Variants in WDR91 observed in about 807,000 individuals in gnomAD.
WDR91 encodes the protein WD repeat-containing protein 91.
WDR91 carries 52 observed loss-of-function variants against 88.4 expected under a neutral mutation model. The ratio of observed to expected loss-of-function variants is 0.59; its 90% CI spans 0.47 to 0.74. The LOEUF (loss-of-function observed/expected upper bound fraction) is 0.74. Among genes scored for constraint, WDR91 ranks in the 30% least tolerant of loss-of-function variants. The pLI is 0.00. For synonymous variants in WDR91, 362 were observed against 389.5 expected (o/e 0.93, Z 0.83); for missense variants, 824 against 954.5 (o/e 0.86, Z 1.80).
At position 135,186,082 on chromosome 7, in the gene WDR91, T is replaced by A; in HGVS notation, c.*69A>T. 6.7e-7 allele frequency: 1 copy of A among 1,492,340 alleles called. No individual in the cohort carries two copies. The highest frequency in any genetic ancestry group is 8.9e-7 in the Non-Finnish European group (1 of 1,122,700). The allele number at this position is 1,492,340 out of a possible 1,614,324, so 92.4% of individuals were successfully genotyped here. On this transcript the variant is annotated 3_prime_UTR_variant, in exon 15 of 15. Coordinates refer to ENST00000354475, the MANE Select transcript of WDR91 (RefSeq NM_014149.4). Reference sequence around the variant, plus strand: ...GGAGCTGGAGTGGAGCACGTGGTTTTCCTGTCCTATATCTCCTCCCCCCAC... The same window carrying A: ...GGAGCTGGAGTGGAGCACGTGGTTTACCTGTCCTATATCTCCTCCCCCCAC...
At chr7:135,204,210 C>A in intron 6 of WDR91, 58 bp downstream of exon 6, 2 of 1,589,600 alleles carry the variant, frequency 1.3e-6, no homozygotes, top group South Asian at 1.1e-5. Context: ...GGTCTGGAAG[C>A]ACAGGGAGCT....
At position 135,205,959 on chromosome 7, in the gene WDR91, A is replaced by G; in HGVS notation, c.694T>C (p.Ser232Pro). 1 of 1,613,972 alleles carries G rather than the reference A, an allele frequency of 6.2e-7. No homozygotes were observed. Among genetic ancestry groups the G allele is most frequent in the South Asian group, 1.1e-5 (1 of 91,068 alleles). ...GAGTCCCCCAGGCGGTCCATGTTGG[A>G]GACATAAGGAGGCAATTTGTGTTGG... Reference protein sequence around the residue: ...LVQHKLPPYVSNMDRLGDSEL... With the variant: ...LVQHKLPPYVPNMDRLGDSEL... The change falls in exon 5 of 15, where the codon TCC (serine) becomes CCC (proline). Residue 232 changes from serine to proline, a missense_variant. Physicochemically the swap from Ser to Pro is moderately conservative, Grantham distance 74. Coordinates refer to ENST00000354475, the MANE Select transcript of WDR91 (RefSeq NM_014149.4).
At chr7:135,198,217 G>T (rs931563911) in intron 6 of WDR91, 66 bp from the exon 7 acceptor site, 5 of 1,560,320 alleles carry the variant, frequency 3.2e-6, no homozygotes, top group East Asian at 2.3e-5. Context: ...AGCATGCCAG[G>T]AGTGGTCAGC....
intron 11 of WDR91, among the ~76,000 whole-genome samples, chr7:135,192,684 A>G (rs867470229): frequency 6.6e-6 from 1 of 152,380 alleles, no homozygotes; most frequent in Middle Eastern, 3.4e-3. Flanking sequence ...CATAAAGGCC[A>G]TATGACTTGT....
rs561571901 is a variant in WDR91, at chr7:135,196,834, G to A, written c.1051-497C>T. Reference sequence around the variant, plus strand: ...GGCTGGCAAGGGGGAGAAATTGGATGTGAAGCTGGGTGGGTAAGAGGTAAG... The same window carrying A: ...GGCTGGCAAGGGGGAGAAATTGGATATGAAGCTGGGTGGGTAAGAGGTAAG... On this transcript the variant is annotated intron_variant, in intron 7 of 14. Coordinates refer to ENST00000354475, the MANE Select transcript of WDR91 (RefSeq NM_014149.4). This position sits in a 1 kb window ranked among gnomAD's most constrained non-coding sequence, Gnocchi z 4.2. Among the ~76,000 whole-genome samples the A allele has an allele frequency of 1.3e-3, 195 of 152,326 alleles. No homozygotes were observed. The highest frequency in any genetic ancestry group is 4.5e-3 in the African/African-American group (187 of 41,574).
intron 13 of WDR91, among the ~76,000 whole-genome samples, chr7:135,188,092 C>G (rs1020361524): frequency 6.6e-6 from 1 of 152,068 alleles, no homozygotes; most frequent in Non-Finnish European, 1.5e-5. Flanking sequence ...GAAGCTGTAC[C>G]CAGCCACTCA....
rs1562945105 is a variant in WDR91, at chr7:135,189,348, C to A, written c.1764G>T (p.Leu588=). The change falls in exon 12 of 15, where the codon CTG becomes CTT. Residue 588 remains leucine (L), a synonymous_variant. Coordinates refer to ENST00000354475, the MANE Select transcript of WDR91 (RefSeq NM_014149.4). ...VTGAADGVIR[L]FDMQQHECAM... is the part of the protein sequence containing the mutation. ...GCTATGAGCACACTTGCATACCAAA[C>A]AGCCGGATGACGCCATCAGCTGCCC... is the stretch of plus-strand genomic sequence containing the variant. 6.2e-7 allele frequency: 1 copy of A among 1,613,550 alleles called. No homozygotes were observed.
Position 135,189,464 on chromosome 7 carries a change from A to C in WDR91, c.1660-12T>G. The C allele has an allele frequency of 4.3e-6, 7 of 1,610,422 alleles. No homozygotes were observed. The highest frequency in any genetic ancestry group is 5.9e-6 in the Non-Finnish European group (7 of 1,176,862). The stretch of plus-strand genomic sequence containing the variant: ...AGGGAGAACTGGAGCTATTGAAATA[A>C]AACAAAAATGTCAGTAGCAGATCTT... On this transcript the variant is annotated splice_polypyrimidine_tract_variant and intron_variant, in intron 11 of 14. Coordinates refer to ENST00000354475, the MANE Select transcript of WDR91 (RefSeq NM_014149.4).
At chr7:135,206,744 A>G (rs555380895) in intron 4 of WDR91, among the ~76,000 whole-genome samples, 175 of 151,466 alleles carry the variant, frequency 1.2e-3, no homozygotes, top group African/African-American at 3.8e-3. Flanking sequence ...ATATATATAC[A>G]TATAGTTTAC....
rs1232679944 is a variant in WDR91, at chr7:135,198,141, C to A, written c.902G>T (p.Gly301Val). 6.2e-7 allele frequency: 1 copy of A among 1,612,368 alleles called. No individual in the cohort carries two copies. Among genetic ancestry groups the A allele is most frequent in the South Asian group, 1.1e-5 (1 of 91,044 alleles). The change falls in exon 7 of 15, where the codon GGA (glycine) becomes GTA (valine). Residue 301 changes from glycine to valine, a missense_variant. Physicochemically the swap from Gly to Val is moderately radical, Grantham distance 109 (BLOSUM62 -3). Coordinates refer to ENST00000354475, the MANE Select transcript of WDR91 (RefSeq NM_014149.4). ...CTTGGCTCCGGACGTCGGGTCCTTTCCCTTGGTGCCCTAGAGGAAAAGAAG... is the reference window on the plus strand; with the variant it reads ...CTTGGCTCCGGACGTCGGGTCCTTTACCTTGGTGCCCTAGAGGAAAAGAAG... ...KESFGGQGTK[G>V]KDPTSGAKDG...
intron 9 of WDR91, 178 bp from the exon 10 acceptor site, chr7:135,193,850 C>T (rs1395667564): frequency 1.7e-6 from 1 of 595,406 alleles, no homozygotes; most frequent in Non-Finnish European, 3.0e-6. Flanking sequence ...TAAACAAAGA[C>T]GTGAGAGCTG....
rs559835839 is a variant in WDR91, at chr7:135,185,366, A to G, written c.*785T>C. The G allele has an allele frequency of 6.6e-6, 1 of 152,370 alleles. No individual in the cohort carries two copies. The highest frequency in any genetic ancestry group is 2.1e-4 in the South Asian group (1 of 4,828). The allele number at this position is 152,370 out of a possible 1,614,324, so 9.4% of individuals were successfully genotyped here. A position where few individuals can be genotyped will look rare whatever the true frequency, so the allele number is the denominator to read the frequency against. On this transcript the variant is annotated 3_prime_UTR_variant, in exon 15 of 15. Coordinates refer to ENST00000354475, the MANE Select transcript of WDR91 (RefSeq NM_014149.4). ...CCTACCAAGATACCTCATTATGTAT[A>G]TATGCAAATATTCCAAAGTCTGAAA...
At chr7:135,206,881 T>G in intron 4 of WDR91, 1 of 241,418 alleles carries the variant, frequency 4.1e-6, no homozygotes, top group Non-Finnish European at 8.2e-6. Context: ...TAAAAGTTAA[T>G]TACTGTTACT....
chr7:135,195,394 C>G (rs1271387678), intron 8 of WDR91, among the ~76,000 whole-genome samples: 5 of 152,368 alleles, frequency 3.3e-5, no homozygotes, highest in African/African-American at 1.2e-4. Context: ...GCCTCCAACT[C>G]ACACTCCAGA....
chr7:135,205,901 A>G, intron 5 of WDR91, 27 bp downstream of exon 5: 1 of 1,612,238 alleles, frequency 6.2e-7, no homozygotes, highest in Non-Finnish European at 8.5e-7. Flanking sequence ...GGGCAAAGAA[A>G]AGGAAAGGGC....
chr7:135,192,096 A>G (rs1227033239), intron 11 of WDR91, among the ~76,000 whole-genome samples: 3 of 144,818 alleles, frequency 2.1e-5, no homozygotes, highest in Non-Finnish European at 4.5e-5. Context: ...GAAGAACCCC[A>G]ATTTCTGTTG....
intron 8 of WDR91, among the ~76,000 whole-genome samples, 171 bp from the exon 9 acceptor site, chr7:135,195,255 C>T (rs1831319167): frequency 6.6e-6 from 1 of 152,242 alleles, no homozygotes; most frequent in South Asian, 2.1e-4. Flanking sequence ...TTCATTCATT[C>T]GTTTGTCTAA....
chr7:135,192,489 C>G (rs1831206850), intron 11 of WDR91, among the ~76,000 whole-genome samples: 1 of 152,166 alleles, frequency 6.6e-6, no homozygotes, highest in Non-Finnish European at 1.5e-5. Flanking sequence ...ATGGATGTGG[C>G]AAGGGGTGGA....
At chr7:135,189,541 G>C (rs1831084772) in intron 11 of WDR91, 89 bp from the exon 12 acceptor site, 3 of 1,062,252 alleles carry the variant, frequency 2.8e-6, no homozygotes, top group Admixed American at 2.2e-5. Flanking sequence ...GCCCCAGACT[G>C]GGTTTTCCAC....
Sources: gnomAD v4.1 joint callset for allele counts (sites outside exome capture counted in the v4.1 genomes callset) on GRCh38, gnomAD v4.1.1 for gene constraint, Gnocchi (gnomAD v3.1) non-coding constraint, MANE v1.5 for transcripts, NCBI Gene and HGNC (gene_info 2026-07-23, HGNC 2026-07-21) for gene names.